Variants in IL31RA observed in about 807,000 individuals in gnomAD.
IL31RA encodes the protein interleukin 31 receptor A.
In IL31RA, 66 loss-of-function variants were observed where a neutral mutation model predicts 83.7. The ratio of observed to expected loss-of-function variants is 0.79; its 90% CI spans 0.65 to 0.97. The LOEUF (loss-of-function observed/expected upper bound fraction) is 0.97. Among genes scored for constraint, IL31RA ranks in the 50% least tolerant of loss-of-function variants. The probability of loss-of-function intolerance (pLI) is 0.00; values close to 1 mark genes in which losing one functional copy is unlikely to be tolerated. For synonymous variants in IL31RA, 325 were observed against 329.0 expected (o/e 0.99, Z 0.13); for missense variants, 798 against 919.4 (o/e 0.87, Z 1.71).
At chr5:55,912,272 A>T (rs1749541995) in intron 12 of IL31RA, among the ~76,000 whole-genome samples, 1 of 152,174 alleles carries the variant, frequency 6.6e-6, no homozygotes, top group African/African-American at 2.4e-5. Flanking sequence ...TTTTAAAGAA[A>T]ATCCAAACTC....
At chr5:55,898,033 AGGCGGTGCT>A (rs1748533609) in intron 7 of IL31RA, among the ~76,000 whole-genome samples, 1 of 152,210 alleles carries the variant, frequency 6.6e-6, no homozygotes, top group African/African-American at 2.4e-5. Context: ...TGGGTTGCGG[AGGCGGTGCT>A]GCCGCCGCAT....
intron 1 of IL31RA, among the ~76,000 whole-genome samples, chr5:55,852,820 A>C (rs1028900800): frequency 6.6e-6 from 1 of 152,238 alleles, no homozygotes. Context: ...TCCACCACCC[A>C]TGTAGGACAT....
intron 2 of IL31RA, among the ~76,000 whole-genome samples, chr5:55,864,831 T>C (rs904899496): frequency 6.7e-6 from 1 of 149,670 alleles, no homozygotes; most frequent in African/African-American, 2.5e-5. Context: ...GCACACATAC[T>C]ACACATACCA....
intron 6 of IL31RA, 50 bp downstream of exon 6, chr5:55,890,185 C>T (rs1322862922): frequency 6.3e-7 from 1 of 1,586,964 alleles, no homozygotes; most frequent in Non-Finnish European, 8.6e-7. Flanking sequence ...TGTAGGGCTG[C>T]TTTGGGCTAG....
intron 1 of IL31RA, among the ~76,000 whole-genome samples, chr5:55,859,021 C>T (rs1462683972): frequency 1.3e-5 from 2 of 152,054 alleles, no homozygotes; most frequent in African/African-American, 4.8e-5. Flanking sequence ...TCAGAGAGGG[C>T]GTCTTAGGGA....
At chr5:55,905,996 C>A in intron 8 of IL31RA, 110 bp from the exon 9 acceptor site, 1 of 1,088,272 alleles carries the variant, frequency 9.2e-7, no homozygotes, top group Non-Finnish European at 1.4e-6. Context: ...CAGTGGAGAT[C>A]CTGAACTTTG....
intron 8 of IL31RA, among the ~76,000 whole-genome samples, chr5:55,902,011 C>T (rs1185654654): frequency 6.6e-6 from 1 of 152,076 alleles, no homozygotes; most frequent in Non-Finnish European, 1.5e-5. Flanking sequence ...TAAAGTTATG[C>T]TAAATTCACT....
intron 8 of IL31RA, among the ~76,000 whole-genome samples, chr5:55,904,519 T>C (rs76091167): frequency 6.6e-6 from 1 of 152,360 alleles, no homozygotes; most frequent in East Asian, 1.9e-4. Context: ...CTCCAGGCTC[T>C]GTGCTTCTTG....
rs1409120448 is a variant in IL31RA at position 55,881,862 on chromosome 5, G to A, written c.455-1182G>A. ...TGAGTAGCTGGGATTATTGGCGCCC[G>A]CCACCATGCCCGGCTAATTTTTGTA... On this transcript the variant is annotated intron_variant, in intron 4 of 14. Coordinates refer to ENST00000652347, the MANE Select transcript of IL31RA (RefSeq NM_139017.7). Among the ~76,000 whole-genome samples the A allele has an allele frequency of 4.0e-5, 6 of 150,336 alleles. 1 individual carries two copies. Among genetic ancestry groups the A allele is most frequent in the African/African-American group, 7.3e-5 (3 of 40,858 alleles).
At chr5:55,897,418 G>A (rs1026767797) in intron 7 of IL31RA, among the ~76,000 whole-genome samples, 1 of 152,070 alleles carries the variant, frequency 6.6e-6, no homozygotes, top group African/African-American at 2.4e-5. Flanking sequence ...ATGACCTTCT[G>A]GAGGAAACGA....
chr5:55,911,521 A>C (rs1245297292), intron 12 of IL31RA, among the ~76,000 whole-genome samples: 1 of 152,208 alleles, frequency 6.6e-6, no homozygotes, highest in Non-Finnish European at 1.5e-5. Flanking sequence ...GACATATGAT[A>C]TATTTAACTT....
rs751170270 is a variant in IL31RA, at chr5:55,906,198, A to G, written c.1162A>G (p.Met388Val). 3.7e-6 allele frequency: 6 copies of G among 1,614,122 alleles called. No homozygotes were observed. The highest frequency in any genetic ancestry group is 5.1e-6 in the Non-Finnish European group (6 of 1,180,010). ...QSSALDVNTW[M>V]IEWFPDVDSE... Reference sequence around the variant, plus strand: ...CTCTGCTCTAGACGTGAACACTTGGATGATTGAATGGTTTCCGGATGTGGA... The same window carrying G: ...CTCTGCTCTAGACGTGAACACTTGGGTGATTGAATGGTTTCCGGATGTGGA... Residue 388 changes from methionine (M) to valine (V), a missense_variant, in exon 9 of 15, where the codon ATG becomes GTG. Physicochemically the swap from Met to Val is conservative, Grantham distance 21 (BLOSUM62 1). Transcript: ENST00000652347.
chr5:55,855,815 T>C (rs1411654920), intron 1 of IL31RA, among the ~76,000 whole-genome samples: 1 of 152,236 alleles, frequency 6.6e-6, no homozygotes, highest in Non-Finnish European at 1.5e-5. Context: ...CAGTAATAAG[T>C]GCTTAGATTT....
intron 13 of IL31RA, 25 bp downstream of exon 13, chr5:55,913,595 G>A (rs781621605): frequency 9.7e-5 from 145 of 1,491,710 alleles, no homozygotes; most frequent in Non-Finnish European, 1.3e-4. Flanking sequence ...AACAGTGGGT[G>A]CCTTAAAAAT....
At chr5:55,891,013 T>C (rs1423353339) in intron 6 of IL31RA, among the ~76,000 whole-genome samples, 1 of 152,248 alleles carries the variant, frequency 6.6e-6, no homozygotes, top group Admixed American at 6.5e-5. Flanking sequence ...GTTGAGTTTA[T>C]AGTAGTACCT....
chr5:55,896,454 C>T (rs754084522), intron 7 of IL31RA, 25 bp downstream of exon 7: 26 of 1,488,434 alleles, frequency 1.7e-5, no homozygotes, highest in Non-Finnish European at 2.4e-5. Flanking sequence ...GATTCTTTTT[C>T]TCTCTCTTTC....
intron 8 of IL31RA, among the ~76,000 whole-genome samples, chr5:55,900,978 A>T (rs968640499): frequency 6.6e-6 from 1 of 152,160 alleles, no homozygotes; most frequent in African/African-American, 2.4e-5. Flanking sequence ...GAAACATATC[A>T]TAGTCAGGAA....
At position 55,899,971 on chromosome 5, in the gene IL31RA, A is replaced by G; in HGVS notation, c.908A>G (p.Tyr303Cys). The G allele has an allele frequency of 5.6e-6, 9 of 1,614,226 alleles. No homozygotes were observed. Among genetic ancestry groups the G allele is most frequent in the South Asian group, 1.1e-5 (1 of 91,076 alleles). ...EKTLGYNIWY[Y>C]PESNTNLTET... ...ACACTTGGCTACAACATATGGTACT[A>G]TCCAGAAAGCAACACTAACCTCACA... The change falls in exon 8 of 15, where the codon TAT becomes TGT. Residue 303 changes from tyrosine to cysteine, a missense_variant. By Grantham distance (194) the Tyr-to-Cys change is radical (BLOSUM62 -2). Transcript: ENST00000652347.
upstream of IL31RA, among the ~76,000 whole-genome samples, chr5:55,849,645 C>A (rs1422760620): frequency 1.3e-5 from 2 of 152,198 alleles, no homozygotes; most frequent in African/African-American, 4.8e-5. Context: ...TCTGTCAGAT[C>A]CATTGGGTCC....
Sources: gnomAD v4.1 joint callset for allele counts (sites outside exome capture counted in the v4.1 genomes callset) on GRCh38, gnomAD v4.1.1 for gene constraint, MANE v1.5 for transcripts, NCBI Gene and HGNC (gene_info 2026-07-23, HGNC 2026-07-21) for gene names.